The following PHLDB2 variants were observed in gnomAD, a reference collection of about 807,000 sequenced individuals.
PHLDB2 encodes the protein pleckstrin homology like domain family B member 2.
In PHLDB2, 71 loss-of-function variants were observed where a neutral mutation model predicts 123.6. That is an observed-to-expected ratio of 0.57 (90% CI 0.47 to 0.70). The LOEUF (loss-of-function observed/expected upper bound fraction) is 0.70. Ranked by LOEUF, PHLDB2 falls within the 30% of genes least tolerant of loss-of-function variation. The pLI is 0.00. For missense variants in PHLDB2, 1,446 were observed against 1,519.5 expected (o/e 0.95, Z 0.80); for synonymous variants, 547 against 541.6 (o/e 1.01, Z -0.14).
At chr3:111,847,521 A>G (rs1053193280) in intron 2 of PHLDB2, among the ~76,000 whole-genome samples, 13 of 152,208 alleles carry the variant, frequency 8.5e-5, no homozygotes, top group African/African-American at 2.9e-4. Context: ...CCATAAGTGG[A>G]AGCTTTAAGT....
chr3:111,780,297 G>GGAAGAAGAGGAAGAAGAGGAA (rs59358897), intron 1 of PHLDB2, among the ~76,000 whole-genome samples: 1 of 7,178 alleles, frequency 1.4e-4, no homozygotes, highest in African/African-American at 4.1e-4. Flanking sequence ...AAGAAGAAGA[G>GGAAGAAGAGGAAGAAGAGGAA]GAAGAGGAAG....
In PHLDB2 at chr3:111,751,168, GGTGTGT is replaced by G. The variant is rs35962012; in HGVS notation, c.-49+18499_-49+18504del. On this transcript the variant is annotated intron_variant, in intron 1 of 17. Transcript: ENST00000393923. ...GAAAAAAGCAGAAAGGAGACAATGG[GGTGTGT>G]GTGTGTGTGTGTGTGTGTGTGTGTG... Among the ~76,000 whole-genome samples the G allele has an allele frequency of 7.6e-3, 1,099 of 144,106 alleles. 9 individuals carry two copies. Among genetic ancestry groups the G allele is most frequent in the African/African-American group, 0.019 (729 of 38,986 alleles). 94.5% of individuals were successfully genotyped at this position (144,106 alleles called of 152,430 possible). A position where few individuals can be genotyped will look rare whatever the true frequency, so the allele number is the denominator to read the frequency against.
At chr3:111,920,968 CT>C (rs1242925432) in intron 5 of PHLDB2, among the ~76,000 whole-genome samples, 2 of 152,130 alleles carry the variant, frequency 1.3e-5, no homozygotes, top group African/African-American at 4.8e-5. Flanking sequence ...AAATTTTCTT[CT>C]TGGGGTAGTC....
Position 111,940,535 on chromosome 3 carries a change from G to GA in PHLDB2, c.2293dup (p.Ile765AsnfsTer28). 1 of 1,584,584 alleles carries GA rather than the reference G, an allele frequency of 6.3e-7. No individual in the cohort carries two copies. Among genetic ancestry groups the GA allele is most frequent in the Non-Finnish European group, 8.6e-7 (1 of 1,160,102 alleles). On this transcript the variant is annotated frameshift_variant and splice_region_variant, in exon 8 of 18. Transcript: ENST00000431670. LOFTEE classifies it high-confidence loss of function. Reference sequence around the variant, plus strand: ...CCTATGATCATCTCTTTTCCTCCAGGAAAAAATTTCTGCATTGAAAAAGCA... The same window carrying GA: ...CCTATGATCATCTCTTTTCCTCCAGGAAAAAAATTTCTGCATTGAAAAAGCA...
intron 1 of PHLDB2, among the ~76,000 whole-genome samples, chr3:111,801,546 G>T (rs149941837): frequency 6.6e-6 from 1 of 152,152 alleles, no homozygotes; most frequent in Non-Finnish European, 1.5e-5. Context: ...TGTGTCCCAA[G>T]AGCCTAGGAC....
intron 2 of PHLDB2, among the ~76,000 whole-genome samples, chr3:111,907,998 T>C (rs887501624): frequency 3.9e-5 from 6 of 152,204 alleles, no homozygotes; most frequent in Non-Finnish European, 7.3e-5. Flanking sequence ...GGTTTTGCCA[T>C]AGTTTTTATT....
chr3:111,744,157 CAAAAGAAGA>C, intron 1 of PHLDB2, among the ~76,000 whole-genome samples: 1 of 151,980 alleles, frequency 6.6e-6, no homozygotes, highest in East Asian at 1.9e-4. Flanking sequence ...TGACAACTCA[CAAAAGAAGA>C]AAGACTTATG....
intron 5 of PHLDB2, among the ~76,000 whole-genome samples, chr3:111,930,412 T>TCTC (rs1160490899): frequency 6.6e-6 from 1 of 151,708 alleles, no homozygotes; most frequent in Non-Finnish European, 1.5e-5. Context: ...TGAGTAGTCT[T>TCTC]CTTTTTTAAA....
intron 1 of PHLDB2, among the ~76,000 whole-genome samples, chr3:111,840,886 T>G (rs1325811197): frequency 6.6e-6 from 1 of 152,284 alleles, no homozygotes; most frequent in East Asian, 1.9e-4. Context: ...CTACTGCCTC[T>G]CACATTATAA....
rs1482755651 is a variant in PHLDB2, at chr3:111,793,724, G to T, written c.-48-52097G>T. Among the ~76,000 whole-genome samples the T allele has an allele frequency of 2.0e-5, 3 of 151,794 alleles. No individual in the cohort carries two copies. In the East Asian group the frequency reaches 5.9e-4, roughly 30 times the overall value. ...TCTAGGTCCAAGGACTCTTTGGTCA[G>T]CAGGTGATGAATCCTTCCGGAACTG... On this transcript the variant is annotated intron_variant, in intron 1 of 17. Coordinates refer to the PHLDB2 transcript ENST00000393923.
In PHLDB2 at chr3:111,939,493, G is replaced by A. The variant is rs1206577556; in HGVS notation, c.2149G>A (p.Val717Ile). ...TCCAAAGGATGCTGACCTGTTGGAT[G>A]TTGAAAGCAAACACTTTGAAGACCT... ...QLKRDADLLD[V>I]ESKHFEDLEF... Residue 717 changes from valine (V) to isoleucine (I), a missense_variant, in exon 7 of 18, where the codon GTT becomes ATT. Physicochemically the swap from Val to Ile is conservative, Grantham distance 29 (BLOSUM62 3). Coordinates refer to ENST00000431670, the MANE Select transcript of PHLDB2 (RefSeq NM_001134438.2). The A allele has an allele frequency of 6.2e-7, 1 of 1,612,680 alleles. No homozygotes were observed. Among genetic ancestry groups the A allele is most frequent in the Non-Finnish European group, 8.5e-7 (1 of 1,179,644 alleles).
chr3:111,796,238 G>A (rs908010589), intron 1 of PHLDB2, among the ~76,000 whole-genome samples: 4 of 152,076 alleles, frequency 2.6e-5, no homozygotes, highest in East Asian at 1.9e-4. Flanking sequence ...ATAGAAAAAC[G>A]CCTTTTCATT....
intron 8 of PHLDB2, among the ~76,000 whole-genome samples, chr3:111,942,888 G>A (rs751108073): frequency 3.3e-5 from 5 of 151,226 alleles, no homozygotes; most frequent in East Asian, 1.9e-4. Flanking sequence ...GTCTTCAAAC[G>A]GAAACACACA....
chr3:111,757,535 G>A (rs866336565), intron 1 of PHLDB2, among the ~76,000 whole-genome samples: 12 of 152,018 alleles, frequency 7.9e-5, no homozygotes, highest in East Asian at 3.9e-4. Flanking sequence ...CCTGTAGCTC[G>A]GAGTAGTTTG....
At chr3:111,859,190 G>A, upstream of PHLDB2, 1 of 985,248 alleles carries the variant, frequency 1.0e-6, no homozygotes, top group Non-Finnish European at 1.2e-6. Context: ...GTCTGGTGAG[G>A]AAATCATCAC....
chr3:111,862,834 G>A (rs572633071), intron 1 of PHLDB2, among the ~76,000 whole-genome samples: 1 of 152,254 alleles, frequency 6.6e-6, no homozygotes, highest in African/African-American at 2.4e-5. Flanking sequence ...GCACAAGGGA[G>A]CCTCAGAGAT....
intron 2 of PHLDB2, among the ~76,000 whole-genome samples, chr3:111,906,752 G>A (rs1302376488): frequency 6.6e-6 from 1 of 152,146 alleles, no homozygotes; most frequent in African/African-American, 2.4e-5. Context: ...AACAAATGTT[G>A]GTCAGTTAGT....
At chr3:111,898,190 G>GTGTGTT (rs1298759287) in intron 2 of PHLDB2, among the ~76,000 whole-genome samples, 2,901 of 149,818 alleles carry the variant, frequency 0.019, 94 homozygotes, top group African/African-American at 0.067. Context: ...GTTTGTGTGT[G>GTGTGTT]TGTGTGTGTG....
At chr3:111,745,183 C>A (rs979629427) in intron 1 of PHLDB2, among the ~76,000 whole-genome samples, 9 of 151,972 alleles carry the variant, frequency 5.9e-5, no homozygotes, top group African/African-American at 1.7e-4. Context: ...TAAGAAAGTT[C>A]TTTTAGTGAT....
Sources: allele counts gnomAD v4.1 joint callset (sites outside exome capture counted in the v4.1 genomes callset), GRCh38; gene constraint gnomAD v4.1.1; transcripts MANE v1.5; gene names NCBI Gene and HGNC (gene_info 2026-07-23, HGNC 2026-07-21).